The following CLSTN3 variants were observed in gnomAD, a reference collection of about 807,000 sequenced individuals.
CLSTN3 encodes calsyntenin 3, also known as calsyntenin-3.
A neutral mutation model predicts 95.9 loss-of-function variants in CLSTN3; 36 were observed. The ratio of observed to expected loss-of-function variants is 0.38; its 90% CI spans 0.29 to 0.50. The LOEUF (loss-of-function observed/expected upper bound fraction) is 0.50. Among genes scored for constraint, CLSTN3 ranks in the 20% least tolerant of loss-of-function variants. CLSTN3 has a pLI of 0.95. For synonymous variants in CLSTN3, 481 were observed against 504.0 expected, an observed-to-expected ratio of 0.95 and a Z score of 0.61; for missense variants, 1,084 against 1,268.8, an observed-to-expected ratio of 0.85 and a Z score of 2.21.
At position 7,150,961 on chromosome 12, in the gene CLSTN3, C is replaced by T. The variant is rs927290266; in HGVS notation, c.2425C>T (p.His809Tyr). The T allele has an allele frequency of 6.2e-7, 1 of 1,611,276 alleles. No homozygotes were observed. The highest frequency in any genetic ancestry group is 8.5e-7 in the Non-Finnish European group (1 of 1,178,234). Residue 809 changes from histidine to tyrosine, a missense_variant, in exon 16 of 18, where the codon CAC becomes TAC. Coordinates refer to ENST00000266546, the MANE Select transcript of CLSTN3 (RefSeq NM_014718.4). This position sits in a 1 kb window ranked among gnomAD's most constrained non-coding sequence, Gnocchi z 4.0. ...CCTGCACAGCATGAACCGGGTTGCC[C>T]ACCCCAGCCACGTGCTCAGCTCCCA... Reference protein sequence around the residue: ...NVLHSMNRVAHPSHVLSSQQF... With the variant: ...NVLHSMNRVAYPSHVLSSQQF...
chr12:7,136,613 A>G (rs953232702), intron 6 of CLSTN3, among the ~76,000 whole-genome samples: 3 of 152,242 alleles, frequency 2.0e-5, no homozygotes, highest in African/African-American at 7.2e-5. Flanking sequence ...ATGGTGGAAC[A>G]ATGGTAGGGC....
chr12:7,145,809 T>A (rs1939614480), intron 12 of CLSTN3, among the ~76,000 whole-genome samples: 1 of 152,184 alleles, frequency 6.6e-6, no homozygotes, highest in Admixed American at 6.5e-5. Context: ...ATGGTGCCTC[T>A]GTCCTTGCAG....
chr12:7,153,087 C>G (rs1565654515), intron 16 of CLSTN3, among the ~76,000 whole-genome samples: 1 of 152,178 alleles, frequency 6.6e-6, no homozygotes, highest in African/African-American at 2.4e-5. Context: ...TACACTGTCT[C>G]TTATTTTATT....
At chr12:7,142,061 G>T (rs1202840752) in intron 9 of CLSTN3, 25 bp from the exon 10 acceptor site, 4 of 1,318,698 alleles carry the variant, frequency 3.0e-6, no homozygotes, top group Non-Finnish European at 4.1e-6. Flanking sequence ...CACCAGCACT[G>T]TTTTTTTTTT....
intron 1 of CLSTN3, chr12:7,131,501 G>T (rs1156236688): frequency 1.3e-5 from 4 of 319,280 alleles, no homozygotes; most frequent in East Asian, 1.7e-4. Flanking sequence ...AAAGGGTAAA[G>T]GTGGAGGCAG....
chr12:7,143,468 C>T (rs1001317177), intron 12 of CLSTN3, among the ~76,000 whole-genome samples, 157 bp downstream of exon 12: 1 of 152,234 alleles, frequency 6.6e-6, no homozygotes, highest in Non-Finnish European at 1.5e-5. Flanking sequence ...CTGAAGGTCA[C>T]ATAGCAATAT....
In CLSTN3 at chr12:7,137,139, AG is replaced by A. The variant is rs1939442467; in HGVS notation, c.1210+34del. 2.5e-6 allele frequency: 4 copies of A among 1,571,046 alleles called. No individual in the cohort carries two copies. Among genetic ancestry groups the A allele is most frequent in the Non-Finnish European group, 1.7e-6 (2 of 1,157,850 alleles). ...AGCCTCCCCTCCAGGCACTAGCCAG[AG>A]GGGGAAACTGGCTTCTTGTCCCGCC... On this transcript the variant is annotated intron_variant, in intron 7 of 17. Coordinates refer to ENST00000266546, the MANE Select transcript of CLSTN3 (RefSeq NM_014718.4). This position sits in a 1 kb window ranked among gnomAD's most constrained non-coding sequence, Gnocchi z 4.4.
chr12:7,150,667 C>G lies in CLSTN3; in HGVS notation c.2369C>G (p.Ser790Cys). 6.2e-7 allele frequency: 1 copy of G among 1,613,932 alleles called. No individual in the cohort carries two copies. The highest frequency in any genetic ancestry group is 2.2e-5 in the East Asian group (1 of 44,872). The change falls in exon 15 of 18, where the codon TCC (serine) becomes TGC (cysteine). Residue 790 changes from serine (S) to cysteine (C), a missense_variant. Transcript: ENST00000266546. The surrounding 1 kb of genome is among the most constrained non-coding windows in gnomAD (Gnocchi z 4.0). ...TGCTCGGAAATGAATGGCCGTTACT[C>G]CAGCAATGAATTCATCGTGGAGGTA... The part of the protein sequence containing the change: ...LSCSEMNGRY[S>C]SNEFIVEVNV...
chr12:7,129,572 C>G, upstream of CLSTN3: 3 of 978,440 alleles, frequency 3.1e-6, no homozygotes, highest in Non-Finnish European at 3.6e-6. This position sits in a 1 kb window ranked among gnomAD's most constrained non-coding sequence, Gnocchi z 5.5. Context: ...TTCTCTCCCT[C>G]TGAGTCATCG....
At chr12:7,146,894 C>T (rs1322184622) in intron 12 of CLSTN3, among the ~76,000 whole-genome samples, 1 of 152,104 alleles carries the variant, frequency 6.6e-6, no homozygotes, top group African/African-American at 2.4e-5. Context: ...TGCCCTAGGC[C>T]TATCTGGATG....
In CLSTN3 at chr12:7,150,824, GAGA is replaced by G; in HGVS notation, c.2392-101_2392-99del. The G allele has an allele frequency of 6.5e-7, 1 of 1,547,074 alleles. No homozygotes were observed. The highest frequency in any genetic ancestry group is 8.8e-7 in the Non-Finnish European group (1 of 1,138,476). On this transcript the variant is annotated intron_variant, in intron 15 of 17. Coordinates refer to ENST00000266546, the MANE Select transcript of CLSTN3 (RefSeq NM_014718.4). This position sits in a 1 kb window ranked among gnomAD's most constrained non-coding sequence, Gnocchi z 4.0. ...CTGCTGGACCTTGCAGTGGGTGGAG[GAGA>G]AGGAGATGGGGGCAGTAGTTAGGAG...
intron 16 of CLSTN3, chr12:7,156,486 T>C (rs1939818625): frequency 2.2e-6 from 1 of 456,744 alleles, no homozygotes; most frequent in African/African-American, 2.0e-5. Flanking sequence ...ATGCTGCACA[T>C]ATGGCTCTAC....
chr12:7,142,972 A>T lies in CLSTN3; in HGVS notation c.1644A>T (p.Ala548=), dbSNP rs778771869. 6.2e-7 allele frequency: 1 copy of T among 1,614,114 alleles called. No individual in the cohort carries two copies. The highest frequency in any genetic ancestry group is 1.7e-5 in the Admixed American group (1 of 60,024). ...ESREVIECLY[A]CREGLDYRDF... ...GCGAGGTCATCGAGTGCCTCTATGC[A>T]TGTCGGGAGGGGCTGGACTATAGGG... The change falls in exon 11 of 18, where the codon GCA becomes GCT. Residue 548 remains alanine, a synonymous_variant. Coordinates refer to ENST00000266546, the MANE Select transcript of CLSTN3 (RefSeq NM_014718.4).
chr12:7,153,937 C>T (rs888391870), intron 16 of CLSTN3, among the ~76,000 whole-genome samples: 12 of 152,164 alleles, frequency 7.9e-5, no homozygotes, highest in African/African-American at 1.7e-4. Context: ...TGTCTGTTCA[C>T]GGCACCCTTT....
intron 16 of CLSTN3, among the ~76,000 whole-genome samples, chr12:7,154,041 C>A (rs1047353576): frequency 6.6e-6 from 1 of 152,232 alleles, no homozygotes; most frequent in Non-Finnish European, 1.5e-5. Context: ...TTGAGAGCAG[C>A]AGTTTTCCTT....
At chr12:7,143,660 G>T (rs1939571594) in intron 12 of CLSTN3, among the ~76,000 whole-genome samples, 1 of 152,190 alleles carries the variant, frequency 6.6e-6, no homozygotes, top group African/African-American at 2.4e-5. Flanking sequence ...AATGCGAATT[G>T]CTTGGATAAC....
chr12:7,154,966 C>G (rs1939790352), intron 16 of CLSTN3, among the ~76,000 whole-genome samples: 1 of 152,186 alleles, frequency 6.6e-6, no homozygotes, highest in South Asian at 2.1e-4. Context: ...AAAAGGAAAC[C>G]TGAGCAGTTC....
rs754859199 is a variant in CLSTN3 at position 7,133,629 on chromosome 12, C to T, written c.244C>T (p.Leu82Phe). The change falls in exon 3 of 18, where the codon CTT becomes TTT. Residue 82 changes from leucine (L) to phenylalanine (F), a missense_variant. Leu to Phe is a conservative substitution (Grantham distance 22). Coordinates refer to ENST00000266546, the MANE Select transcript of CLSTN3 (RefSeq NM_014718.4). This position sits in a 1 kb window ranked among gnomAD's most constrained non-coding sequence, Gnocchi z 4.7. Reference protein sequence around the residue: ...GSGVPFEAVILDKATGEGLIR... With the variant: ...GSGVPFEAVIFDKATGEGLIR... ...TGGGGTGCCCTTTGAGGCTGTGATC[C>T]TTGACAAGGCGACAGGAGAGGGGCT... 9.6e-5 allele frequency: 155 copies of T among 1,614,010 alleles called. No homozygotes were observed. The highest frequency in any genetic ancestry group is 1.2e-4 in the Non-Finnish European group (143 of 1,180,012).
In CLSTN3 at chr12:7,130,686, T is replaced by G; in HGVS notation, c.38T>G (p.Leu13Arg). The G allele has an allele frequency of 6.5e-7, 1 of 1,540,010 alleles. No individual in the cohort carries two copies. The highest frequency in any genetic ancestry group is 8.8e-7 in the Non-Finnish European group (1 of 1,139,680). ...LLLLPLLLAS[L>R]LASCSCNKAN... ...CTGCTGCCCCTTCTGCTGGCCTCTC[T>G]GCTCGCGTCCTGCTCCTGTAACAAA... Residue 13 changes from leucine (L) to arginine (R), a missense_variant, in exon 1 of 18, where the codon CTG (leucine) becomes CGG (arginine). Physicochemically the swap from Leu to Arg is moderately radical, Grantham distance 102. Transcript: ENST00000266546.
Sources: gnomAD v4.1 joint callset for allele counts (sites outside exome capture counted in the v4.1 genomes callset) on GRCh38, gnomAD v4.1.1 for gene constraint, Gnocchi (gnomAD v3.1) non-coding constraint, MANE v1.5 for transcripts, NCBI Gene and HGNC (gene_info 2026-07-23, HGNC 2026-07-21) for gene names.